LSAMP: variants seen among roughly 807,000 people sequenced by gnomAD.
The protein encoded by LSAMP is limbic system associated membrane protein, also known as limbic system-associated membrane protein.
LSAMP carries 7 observed loss-of-function variants against 38.6 expected under a neutral mutation model. The observed-to-expected ratio is 0.18, with a 90% CI of 0.10 to 0.34. The LOEUF is 0.34. Among genes scored for constraint, LSAMP ranks in the 10% least tolerant of loss-of-function variants. The pLI is 1.00. For synonymous variants in LSAMP, 154 were observed against 166.8 expected (o/e 0.92, Z 0.59); for missense variants, 313 against 420.0 (o/e 0.75, Z 2.23).
intron 1 of LSAMP, among the ~76,000 whole-genome samples, chr3:116,419,138 G>A (rs1249677478): frequency 2.0e-5 from 3 of 152,130 alleles, no homozygotes; most frequent in Non-Finnish European, 2.9e-5. Flanking sequence ...ATCACCCTAC[G>A]CTTCCTGCCA....
At chr3:116,066,542 C>A (rs1477019593) in intron 2 of LSAMP, among the ~76,000 whole-genome samples, 1 of 152,196 alleles carries the variant, frequency 6.6e-6, no homozygotes, top group Non-Finnish European at 1.5e-5. Flanking sequence ...CCTCTTCACT[C>A]ATTAGAATTC....
Position 115,946,954 on chromosome 3 carries a change from A to T in LSAMP, c.514+72561T>A, listed in dbSNP as rs181754660. ...TGGTATATATATGGTAACATGTCAAACCAAGTTAGATTCTTTCCTAAGAAA... is the reference window on the plus strand; with the variant it reads ...TGGTATATATATGGTAACATGTCAATCCAAGTTAGATTCTTTCCTAAGAAA... On this transcript the variant is annotated intron_variant, in intron 3 of 6. Transcript: ENST00000490035. Among the ~76,000 whole-genome samples the T allele has an allele frequency of 1.8e-4, 28 of 152,192 alleles. No individual in the cohort carries two copies. The South Asian group carries it at 5.0e-3, about 27-fold the overall frequency.
intron 3 of LSAMP, among the ~76,000 whole-genome samples, chr3:115,881,394 A>G: frequency 6.6e-6 from 1 of 152,082 alleles, no homozygotes; most frequent in East Asian, 1.9e-4. Flanking sequence ...TTACTTGTCT[A>G]CTCTGTATTT....
At chr3:116,166,566 G>A (rs1282166823) in intron 1 of LSAMP, among the ~76,000 whole-genome samples, 3 of 152,162 alleles carry the variant, frequency 2.0e-5, no homozygotes, top group Non-Finnish European at 4.4e-5. Context: ...GCCTGTGAGT[G>A]TGTGTCTGTG....
At chr3:115,831,697 A>C (rs559181801) in intron 6 of LSAMP, among the ~76,000 whole-genome samples, 1 of 152,326 alleles carries the variant, frequency 6.6e-6, no homozygotes, top group East Asian at 1.9e-4. Flanking sequence ...CTGCAGCAAT[A>C]TAGTAGGAGG....
intron 1 of LSAMP, among the ~76,000 whole-genome samples, chr3:116,155,245 A>G (rs1385360046): frequency 2.6e-5 from 4 of 151,614 alleles, no homozygotes; most frequent in Admixed American, 2.0e-4. Context: ...TTTTTTTGAG[A>G]CAGAGTTTTG....
chr3:116,231,073 A>G (rs760534394), intron 1 of LSAMP, among the ~76,000 whole-genome samples: 5 of 152,150 alleles, frequency 3.3e-5, no homozygotes, highest in African/African-American at 9.7e-5. Context: ...TGATTTGTCT[A>G]TGGGTCACTA....
At chr3:115,983,794 G>T (rs1015050294) in intron 3 of LSAMP, among the ~76,000 whole-genome samples, 1 of 152,172 alleles carries the variant, frequency 6.6e-6, no homozygotes, top group African/African-American at 2.4e-5. Context: ...TTACACTGGG[G>T]CCTGCAGAAA....
chr3:116,317,500 C>T (rs939638079), intron 1 of LSAMP, among the ~76,000 whole-genome samples: 2 of 151,936 alleles, frequency 1.3e-5, no homozygotes, highest in Non-Finnish European at 2.9e-5. Context: ...GGACTACAGG[C>T]GCCCGCCACC....
At chr3:115,978,149 G>A (rs1939246486) in intron 3 of LSAMP, among the ~76,000 whole-genome samples, 2 of 151,910 alleles carry the variant, frequency 1.3e-5, no homozygotes, top group South Asian at 4.2e-4. Flanking sequence ...ACAAACACCT[G>A]CCACCACGCC....
chr3:116,208,323 A>T (rs6775057), intron 1 of LSAMP, among the ~76,000 whole-genome samples: 32 of 147,154 alleles, frequency 2.2e-4, no homozygotes, highest in South Asian at 1.1e-3. Context: ...TCAAAGTTTT[A>T]AACTTCTTTG....
At chr3:115,895,795 T>A (rs1354908696) in intron 3 of LSAMP, among the ~76,000 whole-genome samples, 1 of 152,140 alleles carries the variant, frequency 6.6e-6, no homozygotes, top group Non-Finnish European at 1.5e-5. Flanking sequence ...AATGTTTTGT[T>A]TGTTTTCATA....
chr3:116,183,978 T>C (rs1710550107), intron 1 of LSAMP, among the ~76,000 whole-genome samples: 1 of 151,772 alleles, frequency 6.6e-6, no homozygotes, highest in Admixed American at 6.6e-5. Flanking sequence ...AGCAATTCTA[T>C]AAGCAATAAG....
intron 3 of LSAMP, among the ~76,000 whole-genome samples, chr3:115,989,150 G>T (rs1288395272): frequency 2.0e-5 from 3 of 151,734 alleles, no homozygotes; most frequent in Non-Finnish European, 4.4e-5. Flanking sequence ...TAGAAGAGAA[G>T]AAAAGAAAAA....
chr3:115,977,750 C>A (rs933548862), intron 3 of LSAMP, among the ~76,000 whole-genome samples: 7 of 134,746 alleles, frequency 5.2e-5, no homozygotes, highest in South Asian at 2.3e-4. Context: ...AAAAAAAAAT[C>A]TTTGTCTTTT....
At chr3:115,991,866 G>A (rs2107643769) in intron 3 of LSAMP, among the ~76,000 whole-genome samples, 1 of 152,156 alleles carries the variant, frequency 6.6e-6, no homozygotes, top group Non-Finnish European at 1.5e-5. Flanking sequence ...AAATACTGTT[G>A]CAAGCTCCAA....
At chr3:115,890,022 T>A (rs1936555557) in intron 3 of LSAMP, among the ~76,000 whole-genome samples, 1 of 151,998 alleles carries the variant, frequency 6.6e-6, no homozygotes, top group African/African-American at 2.4e-5. Context: ...ACTTGTTTTA[T>A]GTAAACAAAT....
intron 1 of LSAMP, among the ~76,000 whole-genome samples, chr3:116,173,230 C>T (rs936664621): frequency 6.6e-6 from 1 of 152,018 alleles, no homozygotes; most frequent in Non-Finnish European, 1.5e-5. Context: ...AAAAAGGAGG[C>T]AGGTTAGCTG....
intron 4 of LSAMP, among the ~76,000 whole-genome samples, chr3:115,848,007 G>T (rs1935214827): frequency 6.6e-6 from 1 of 151,968 alleles, no homozygotes; most frequent in African/African-American, 2.4e-5. Context: ...AGTACTCTGG[G>T]TTGTTACTGA....
Sources: gnomAD v4.1 joint callset for allele counts (sites outside exome capture counted in the v4.1 genomes callset) on GRCh38, gnomAD v4.1.1 for gene constraint, MANE v1.5 for transcripts, NCBI Gene and HGNC (gene_info 2026-07-23, HGNC 2026-07-21) for gene names.